The following MCU variants were observed in gnomAD, a reference collection of about 807,000 sequenced individuals.
MCU encodes the protein calcium uniporter protein, mitochondrial.
MCU carries 12 observed loss-of-function variants against 45.2 expected under a neutral mutation model. The observed-to-expected ratio is 0.27, with a 90% CI of 0.17 to 0.43. The LOEUF (loss-of-function observed/expected upper bound fraction) is 0.43, where lower values mean the gene tolerates loss of function less well. MCU is among the 20% of genes least tolerant of loss of function. MCU has a pLI of 1.00. For synonymous variants in MCU, 160 were observed against 165.1 expected, an observed-to-expected ratio of 0.97 and a Z score of 0.24; for missense variants, 324 against 436.7, an observed-to-expected ratio of 0.74 and a Z score of 2.30.
intron 1 of MCU, chr10:72,766,713 G>C (rs1470492223): frequency 1.3e-5 from 2 of 152,244 alleles, no homozygotes; most frequent in African/African-American, 2.4e-5. Context: ...TTCTGATCCT[G>C]TATTTCTGAT....
At chr10:72,828,230 CAG>C (rs1260179980) in intron 1 of MCU, among the ~76,000 whole-genome samples, 1 of 152,118 alleles carries the variant, frequency 6.6e-6, no homozygotes. Context: ...GGAAATGTAA[CAG>C]GGAGATACAA....
At chr10:72,823,512 A>G (rs1844745682) in intron 1 of MCU, among the ~76,000 whole-genome samples, 1 of 152,104 alleles carries the variant, frequency 6.6e-6, no homozygotes, top group Non-Finnish European at 1.5e-5. Context: ...TTCAGTTTTG[A>G]ATTATATGTG....
At chr10:72,851,461 A>G (rs1360309820) in intron 2 of MCU, among the ~76,000 whole-genome samples, 1 of 152,196 alleles carries the variant, frequency 6.6e-6, no homozygotes, top group African/African-American at 2.4e-5. Flanking sequence ...TATTACTCAA[A>G]TTAGTCTCCC....
chr10:72,785,253 G>A (rs1844055541), intron 1 of MCU, among the ~76,000 whole-genome samples: 1 of 152,112 alleles, frequency 6.6e-6, no homozygotes, highest in African/African-American at 2.4e-5. Context: ...GGTTAGTGGT[G>A]GTGTTTACCA....
chr10:72,776,317 C>A (rs956162423), intron 1 of MCU, among the ~76,000 whole-genome samples: 1 of 152,084 alleles, frequency 6.6e-6, no homozygotes, highest in South Asian at 2.1e-4. Context: ...CAGAAATCCT[C>A]AACAAAATAC....
Position 72,849,533 on chromosome 10 carries a change from C to T in MCU, c.221-9644C>T, listed in dbSNP as rs1193477020. 3.3e-5 allele frequency among the ~76,000 whole-genome samples: 5 copies of T among 152,070 alleles called. No homozygotes were observed. In the East Asian group the frequency reaches 9.6e-4, roughly 29 times the overall value. On this transcript the variant is annotated intron_variant, in intron 2 of 7. Coordinates refer to ENST00000373053, the MANE Select transcript of MCU (RefSeq NM_138357.3). Reference sequence around the variant, plus strand: ...ACAATTGAATATAGGCTTGGGATATCATCAGCATTTACATGAGACTTTGGG... The same window carrying T: ...ACAATTGAATATAGGCTTGGGATATTATCAGCATTTACATGAGACTTTGGG...
At chr10:72,726,254 C>CACGT (rs1253441177) in intron 1 of MCU, among the ~76,000 whole-genome samples, 4 of 77,072 alleles carry the variant, frequency 5.2e-5, no homozygotes, top group African/African-American at 3.0e-4. Context: ...CACACACACA[C>CACGT]ACGTGTGTGT....
chr10:72,792,922 A>G (rs1844186076), intron 1 of MCU, among the ~76,000 whole-genome samples: 1 of 151,364 alleles, frequency 6.6e-6, no homozygotes, highest in African/African-American at 2.4e-5. Context: ...TCTGTTGCCC[A>G]GGCTGGAGTG....
At chr10:72,761,216 T>C (rs901321815) in intron 1 of MCU, among the ~76,000 whole-genome samples, 30 of 152,210 alleles carry the variant, frequency 2.0e-4, no homozygotes, top group African/African-American at 7.2e-4. Flanking sequence ...TTTAAACCTG[T>C]GTAAATGCTA....
intron 1 of MCU, among the ~76,000 whole-genome samples, chr10:72,728,607 A>T (rs1843130491): frequency 6.6e-6 from 1 of 152,184 alleles, no homozygotes; most frequent in African/African-American, 2.4e-5. Flanking sequence ...CGTGGATATT[A>T]TATGGTCTTA....
intron 1 of MCU, among the ~76,000 whole-genome samples, chr10:72,726,507 T>G (rs1274863104): frequency 6.6e-6 from 1 of 152,110 alleles, no homozygotes; most frequent in Non-Finnish European, 1.5e-5. Flanking sequence ...CTTTGTTTCC[T>G]GTTTTTTTTT....
intron 1 of MCU, among the ~76,000 whole-genome samples, chr10:72,746,395 GT>G (rs1843415404): frequency 6.6e-6 from 1 of 152,120 alleles, no homozygotes; most frequent in African/African-American, 2.4e-5. Context: ...TCGTACAGGC[GT>G]TTTAACTTTA....
chr10:72,805,139 C>CT (rs1372871427), intron 1 of MCU, among the ~76,000 whole-genome samples: 4 of 139,348 alleles, frequency 2.9e-5, no homozygotes, highest in Non-Finnish European at 6.0e-5. Context: ...TTCTTTCTTT[C>CT]TTTCTTTCTT....
intron 1 of MCU, among the ~76,000 whole-genome samples, chr10:72,766,110 CTCTCACCATG>C (rs1375782047): frequency 6.6e-6 from 1 of 152,174 alleles, no homozygotes; most frequent in African/African-American, 2.4e-5. Context: ...TCAAGCAGTC[CTCTCACCATG>C]GCCTTCCACA....
intron 1 of MCU, among the ~76,000 whole-genome samples, chr10:72,825,956 A>G (rs1844792090): frequency 6.6e-6 from 1 of 152,106 alleles, no homozygotes; most frequent in South Asian, 2.1e-4. Context: ...GGTTTCTGCT[A>G]TGTCATGTTT....
intron 1 of MCU, among the ~76,000 whole-genome samples, chr10:72,705,417 C>G (rs1051061203): frequency 6.6e-6 from 1 of 152,130 alleles, no homozygotes; most frequent in Non-Finnish European, 1.5e-5. Context: ...CGCTGTGGCT[C>G]AAGCCTGTAA....
At chr10:72,845,169 T>C (rs1170708140) in intron 2 of MCU, among the ~76,000 whole-genome samples, 3 of 152,218 alleles carry the variant, frequency 2.0e-5, no homozygotes, top group South Asian at 2.1e-4. Context: ...TTGATTAGCA[T>C]TGTAAAGCCA....
intron 5 of MCU, among the ~76,000 whole-genome samples, chr10:72,869,839 A>T (rs1845513803): frequency 6.6e-6 from 1 of 152,194 alleles, no homozygotes; most frequent in Admixed American, 6.5e-5. Context: ...TTCACCACAG[A>T]TACCTAGGGA....
intron 1 of MCU, among the ~76,000 whole-genome samples, chr10:72,807,692 C>A (rs1844473482): frequency 6.6e-6 from 1 of 152,086 alleles, no homozygotes; most frequent in Non-Finnish European, 1.5e-5. Flanking sequence ...AGAAAATAGA[C>A]CTGATGCTGG....
Sources: gnomAD v4.1 joint callset for allele counts (sites outside exome capture counted in the v4.1 genomes callset) on GRCh38, gnomAD v4.1.1 for gene constraint, MANE v1.5 for transcripts, NCBI Gene and HGNC (gene_info 2026-07-23, HGNC 2026-07-21) for gene names.